The following CSK variants were observed in gnomAD, a reference collection of about 807,000 sequenced individuals.
CSK encodes the protein C-terminal Src kinase.
CSK carries 7 observed loss-of-function variants against 62.3 expected under a neutral mutation model. That is an observed-to-expected ratio of 0.11 (90% confidence interval 0.06 to 0.21). CSK has a LOEUF of 0.21. CSK is among the 10% of genes least tolerant of loss of function. The probability of loss-of-function intolerance (pLI) is 1.00; values close to 1 mark genes in which losing one functional copy is unlikely to be tolerated. For missense variants in CSK, 294 were observed against 613.5 expected (o/e 0.48, Z 5.50); for synonymous variants, 237 against 246.0 (o/e 0.96, Z 0.34).
chr15:74,790,493 G>T (rs2063603193), intron 1 of CSK, among the ~76,000 whole-genome samples: 1 of 152,202 alleles, frequency 6.6e-6, no homozygotes, highest in African/African-American at 2.4e-5. Context: ...TCAGCGCTTG[G>T]GCACAATGCC....
intron 1 of CSK, among the ~76,000 whole-genome samples, chr15:74,795,410 C>G (rs1351338411): frequency 6.6e-6 from 1 of 152,152 alleles, no homozygotes; most frequent in Non-Finnish European, 1.5e-5. Context: ...TGACTGTCAG[C>G]CTAGCCCCCA....
In CSK at chr15:74,786,479, C is replaced by G. The variant is rs754111428; in HGVS notation, c.-66+3759C>G. On this transcript the variant is annotated intron_variant, in intron 1 of 12. Coordinates refer to ENST00000220003, the MANE Select transcript of CSK (RefSeq NM_004383.3). ...AGAACAGCCATGCCAGCCTCATCTT[C>G]GCACCCTGTTCCAGTAGCCAAGGAA... Among the ~76,000 whole-genome samples, 9 of 152,158 alleles carry G rather than the reference C, an allele frequency of 5.9e-5. No individual in the cohort carries two copies. The South Asian group carries it at 1.2e-3, about 21-fold the overall frequency.
chr15:74,786,266 C>G (rs900174732), intron 1 of CSK, among the ~76,000 whole-genome samples: 1 of 152,006 alleles, frequency 6.6e-6, no homozygotes, highest in Admixed American at 6.6e-5. Context: ...GGTGATCCAC[C>G]CACCTCGGCC....
At chr15:74,791,383 CTTCTT>C (rs2063617917) in intron 1 of CSK, among the ~76,000 whole-genome samples, 1 of 152,128 alleles carries the variant, frequency 6.6e-6, no homozygotes, top group Non-Finnish European at 1.5e-5. Flanking sequence ...TACTCTATCT[CTTCTT>C]TTATCTACAT....
chr15:74,784,558 C>G (rs2063486127), intron 1 of CSK, among the ~76,000 whole-genome samples: 1 of 152,168 alleles, frequency 6.6e-6, no homozygotes, highest in African/African-American at 2.4e-5. Flanking sequence ...TCAGAAGCAG[C>G]TGCTCTTCTC....
rs147023686 is a variant in CSK, at chr15:74,802,442, G to A, written c.1282G>A (p.Ala428Thr). ...GAAGAACTGCTGGCACCTGGACGCC[G>A]CCATGCGGCCCTCCTTCCTACAGCT... Reference protein sequence around the residue: ...VMKNCWHLDAAMRPSFLQLRE... With the variant: ...VMKNCWHLDATMRPSFLQLRE... Residue 428 changes from alanine (A) to threonine (T), a missense_variant, in exon 13 of 13, where the codon GCC (alanine) becomes ACC (threonine). Physicochemically the swap from Ala to Thr is moderately conservative, Grantham distance 58. This residue lies in a region of CSK where 66 missense variants were observed against 99.3 expected (regional missense o/e 0.66). Coordinates refer to ENST00000220003, the MANE Select transcript of CSK (RefSeq NM_004383.3). The A allele has an allele frequency of 7.8e-4, 1,253 of 1,612,656 alleles. 19 individuals are homozygous for A. The South Asian group carries it at 0.011, about 15-fold the overall frequency.
intron 1 of CSK, chr15:74,788,432 C>G (rs542337424): frequency 1.3e-5 from 2 of 152,298 alleles, no homozygotes; most frequent in Non-Finnish European, 2.9e-5. Context: ...CAGCTAGTTC[C>G]TCCTCTGTCA....
chr15:74,782,588 A>C lies in CSK; in HGVS notation c.-198A>C, dbSNP rs1596365389. 7.2e-6 allele frequency: 1 copy of C among 138,254 alleles called. No homozygotes were observed. Among genetic ancestry groups the C allele is most frequent in the African/African-American group, 2.7e-5 (1 of 36,534 alleles). 8.6% of individuals were successfully genotyped at this position (138,254 alleles called of 1,614,324 possible). On this transcript the variant is annotated 5_prime_UTR_variant, in exon 1 of 13. Transcript: ENST00000220003. This position sits in a 1 kb window ranked among gnomAD's most constrained non-coding sequence, Gnocchi z 5.7. ...GCGGTCCCTCCTCCCCTCTCCTTGC[A>C]CCCATACCTCTTTGTACCGCACCCC...
At position 74,796,090 on chromosome 15, in the gene CSK, C is replaced by G. The variant is rs189149182; in HGVS notation, c.-65-2143C>G. ...AAAATTGGTCTGCTGTGTTGGCGCA[C>G]GCCTATGATCCCAGCTACTCAGGTG... On this transcript the variant is annotated intron_variant, in intron 1 of 12. Transcript: ENST00000220003. Among the ~76,000 whole-genome samples the G allele has an allele frequency of 2.0e-5, 3 of 152,136 alleles. No homozygotes were observed. The East Asian group carries it at 5.8e-4, about 29-fold the overall frequency.
chr15:74,796,462 C>T (rs929171619), intron 1 of CSK, among the ~76,000 whole-genome samples: 7 of 151,802 alleles, frequency 4.6e-5, no homozygotes, highest in East Asian at 3.9e-4. Flanking sequence ...CGTGTGGTGG[C>T]GCATGCCTGT....
intron 1 of CSK, among the ~76,000 whole-genome samples, chr15:74,789,299 C>T (rs2141789643): frequency 6.6e-6 from 1 of 152,338 alleles, no homozygotes; most frequent in South Asian, 2.1e-4. Flanking sequence ...TAGGCATCTC[C>T]AAGACCCTGG....
chr15:74,789,421 T>C (rs1220586455), intron 1 of CSK, among the ~76,000 whole-genome samples: 1 of 152,192 alleles, frequency 6.6e-6, no homozygotes, highest in Non-Finnish European at 1.5e-5. Flanking sequence ...CTTCCTTGCC[T>C]GATGTGTGGT....
At chr15:74,797,204 C>G (rs2063719843) in intron 1 of CSK, among the ~76,000 whole-genome samples, 1 of 152,220 alleles carries the variant, frequency 6.6e-6, no homozygotes, top group Non-Finnish European at 1.5e-5. Flanking sequence ...CTCAGCTTCC[C>G]AAAGTGCTGA....
At chr15:74,797,572 T>C (rs2063726164) in intron 1 of CSK, among the ~76,000 whole-genome samples, 1 of 151,706 alleles carries the variant, frequency 6.6e-6, no homozygotes, top group African/African-American at 2.4e-5. Flanking sequence ...ATGGTTGGAG[T>C]TTGTGTTGGA....
Position 74,800,515 on chromosome 15 carries a change from C to A in CSK, c.556+10C>A. The A allele has an allele frequency of 6.2e-7, 1 of 1,611,808 alleles. No individual in the cohort carries two copies. The highest frequency in any genetic ancestry group is 2.2e-5 in the East Asian group (1 of 44,824). ...GATGAGTTCTACCGCAGTGAGTGCA[C>A]CCCACCCCAGACCTCTTGCCCACCC... is the stretch of plus-strand genomic sequence containing the variant. On this transcript the variant is annotated intron_variant, in intron 6 of 12. Transcript: ENST00000220003.
rs762930455 is a variant in CSK, at chr15:74,800,758, C to T, written c.622+12C>T. ...GGGGGAGTTCGGAGGTGAGCTGGGC[C>T]GGGCCCCCTGGGGGGGTTCTGAGGG... On this transcript the variant is annotated intron_variant, in intron 7 of 12. Transcript: ENST00000220003. 1.8e-5 allele frequency: 29 copies of T among 1,580,016 alleles called. No individual in the cohort carries two copies. The highest frequency in any genetic ancestry group is 2.4e-5 in the Non-Finnish European group (28 of 1,162,756).
intron 9 of CSK, 48 bp downstream of exon 9, chr15:74,801,150 A>G (rs1269959184): frequency 1.2e-6 from 2 of 1,604,082 alleles, no homozygotes; most frequent in Admixed American, 1.7e-5. Context: ...ACTGCCCCGA[A>G]ACCCCCACTG....
rs779244942 is a variant in CSK at position 74,801,881 on chromosome 15, G to A, written c.1074G>A (p.Leu358=). 2.5e-6 allele frequency: 4 copies of A among 1,610,808 alleles called. No individual in the cohort carries two copies. The highest frequency in any genetic ancestry group is 4.5e-5 in the East Asian group (2 of 44,806). The change falls in exon 11 of 13, where the codon CTG becomes CTA. Residue 358 remains leucine (L), a synonymous_variant. Transcript: ENST00000220003. ...TCAAGTGGACAGCCCCTGAGGCCCT[G>A]AGAGAGAAGGTGGGGCTGGCCTCCC... is the stretch of plus-strand genomic sequence containing the variant. ...LPVKWTAPEA[L]REKKFSTKSD... is the part of the protein sequence containing the mutation.
At chr15:74,784,766 C>T (rs942194205) in intron 1 of CSK, among the ~76,000 whole-genome samples, 4 of 152,200 alleles carry the variant, frequency 2.6e-5, no homozygotes, top group Non-Finnish European at 5.9e-5. Context: ...ATGGCTGCCC[C>T]CCAAAGGGGG....
Sources: allele counts gnomAD v4.1 joint callset (sites outside exome capture counted in the v4.1 genomes callset), GRCh38; gene constraint gnomAD v4.1.1; regional missense constraint gnomAD v4.1.1; non-coding constraint Gnocchi (gnomAD v3.1); transcripts MANE v1.5; gene names NCBI Gene and HGNC (gene_info 2026-07-23, HGNC 2026-07-21).